The following MSN variants were observed in gnomAD, a reference collection of about 807,000 sequenced individuals.
MSN encodes the protein epididymis luminal protein 70.
A neutral mutation model predicts 48.0 loss-of-function variants in MSN; 2 were observed. The ratio of observed to expected loss-of-function variants is 0.04; its 90% CI spans 0.02 to 0.13. The LOEUF is 0.13. MSN is among the 10% of genes least tolerant of loss of function. MSN has a pLI of 1.00. For missense variants in MSN, 267 were observed against 470.1 expected (o/e 0.57, Z 3.99); for synonymous variants, 146 against 166.9 (o/e 0.87, Z 0.97).
chrX:65,706,327 A>C (rs1414936588), intron 1 of MSN, among the ~76,000 whole-genome samples: 2 of 111,431 alleles, frequency 1.8e-5, no homozygotes, highest in African/African-American at 3.3e-5. Context: ...TGTGATGACT[A>C]TTCTCTGGCC....
chrX:65,607,248 C>T (rs1188239374), intron 1 of MSN, among the ~76,000 whole-genome samples: 1 of 111,861 alleles, frequency 8.9e-6, no homozygotes, highest in African/African-American at 3.3e-5. Flanking sequence ...CAAAGCTTGC[C>T]AGCTTACTCA....
intron 1 of MSN, among the ~76,000 whole-genome samples, chrX:65,630,326 C>G (rs1429757051): frequency 8.9e-6 from 1 of 111,792 alleles, no homozygotes; most frequent in Non-Finnish European, 1.9e-5. Context: ...ATAATCCCAG[C>G]ATTTTGGGAG....
intron 1 of MSN, among the ~76,000 whole-genome samples, chrX:65,715,886 G>A (rs1450455555): frequency 8.9e-6 from 1 of 111,751 alleles, no homozygotes; most frequent in Non-Finnish European, 1.9e-5. Context: ...GTGAGAGAGG[G>A]CATTCTTGTC....
intron 1 of MSN, among the ~76,000 whole-genome samples, chrX:65,592,257 G>A (rs917717042): frequency 3.6e-4 from 35 of 96,634 alleles, no homozygotes; most frequent in African/African-American, 1.3e-3. Flanking sequence ...GTTCAGTGGC[G>A]CCATCTTGGC....
intron 1 of MSN, among the ~76,000 whole-genome samples, chrX:65,598,166 C>G (rs751261094): frequency 1.8e-5 from 2 of 109,222 alleles, no homozygotes; most frequent in Non-Finnish European, 3.8e-5. Context: ...GAAACAGAGA[C>G]AGAATCAGAG....
rs768416864 is a variant in MSN at position 65,681,547 on chromosome X, G to A, written c.12+13694G>A. ...AATACACCTTGGAGAAGGGACAGGTGTATTAGCACCTATGGGGAAGAGAGG... is the reference window on the plus strand; with the variant it reads ...AATACACCTTGGAGAAGGGACAGGTATATTAGCACCTATGGGGAAGAGAGG... On this transcript the variant is annotated intron_variant, in intron 1 of 12. Transcript: ENST00000360270. Among the ~76,000 whole-genome samples the A allele has an allele frequency of 2.7e-5, 3 of 112,421 alleles. No individual in the cohort carries two copies. In the Admixed American group the frequency reaches 2.8e-4, roughly 11 times the overall value.
chrX:65,714,339 G>A (rs965927746), intron 1 of MSN, among the ~76,000 whole-genome samples: 2 of 111,750 alleles, frequency 1.8e-5, no homozygotes, highest in Non-Finnish European at 3.8e-5. Flanking sequence ...ACCCCATAAT[G>A]ATATTGCTGG....
chrX:65,629,912 C>T (rs1164740570), intron 1 of MSN, among the ~76,000 whole-genome samples: 1 of 111,945 alleles, frequency 8.9e-6, no homozygotes, highest in East Asian at 2.8e-4. Context: ...GGCGAGGTGG[C>T]TCACACCTGT....
chrX:65,651,561 T>TTTA (rs35256397), intron 1 of MSN, among the ~76,000 whole-genome samples: 6,886 of 94,449 alleles, frequency 0.073, 286 homozygotes, highest in Admixed American at 0.15. Flanking sequence ...AGAAGTAATA[T>TTTA]TTATTATTAT....
chrX:65,727,758 C>A, intron 2 of MSN, 56 bp from the exon 3 acceptor site: 6 of 990,738 alleles, frequency 6.1e-6, no homozygotes, highest in Non-Finnish European at 8.6e-6. Context: ...GTCCTCTGTG[C>A]CTCACACAGA....
rs775021528 is a variant in MSN, at chrX:65,731,093, C to T, written c.468-14C>T. 4.2e-6 allele frequency: 5 copies of T among 1,186,680 alleles called. No homozygotes were observed. Among genetic ancestry groups the T allele is most frequent in the East Asian group, 6.0e-5 (2 of 33,280 alleles). ...TTTGTGCTTTAAACTACTCATCACC[C>T]ATTGTCTTTCCAGAGTCCTGGAACA... On this transcript the variant is annotated splice_polypyrimidine_tract_variant and intron_variant, in intron 4 of 12. Coordinates refer to ENST00000360270, the MANE Select transcript of MSN (RefSeq NM_002444.3).
At chrX:65,650,848 C>T (rs1156606310) in intron 1 of MSN, among the ~76,000 whole-genome samples, 2 of 111,747 alleles carry the variant, frequency 1.8e-5, no homozygotes, top group Non-Finnish European at 3.8e-5. Flanking sequence ...ATTTCCTTGT[C>T]TTTTCCAGCT....
rs1029082342 is a variant in MSN at position 65,623,199 on chromosome X, T to C, written c.-22+34587T>C. ...CTTTGCCTCTAAATTCATAAGGGAGTTTAGTCTGTATTTTTTTTTTAACAT... is the reference window on the plus strand; with the variant it reads ...CTTTGCCTCTAAATTCATAAGGGAGCTTAGTCTGTATTTTTTTTTTAACAT... On this transcript the variant is annotated intron_variant, in intron 1 of 3. Transcript: ENST00000609672. Among the ~76,000 whole-genome samples the C allele has an allele frequency of 9.1e-4, 99 of 109,149 alleles. 2 individuals carry two copies. The highest frequency in any genetic ancestry group is 3.3e-3 in the African/African-American group (97 of 29,121). 94.8% of individuals were successfully genotyped at this position (109,149 alleles called of 115,157 possible).
At chrX:65,703,712 C>T (rs969651823) in intron 1 of MSN, among the ~76,000 whole-genome samples, 7 of 111,655 alleles carry the variant, frequency 6.3e-5, no homozygotes, top group Non-Finnish European at 9.4e-5. Context: ...GTAGCTGGGA[C>T]TACAGGCGTG....
intron 1 of MSN, among the ~76,000 whole-genome samples, chrX:65,670,899 TATATATATA>T (rs2070928719): frequency 0.051 from 30 of 585 alleles, 1 homozygote; most frequent in African/African-American, 0.14. Flanking sequence ...ATGACAGTTA[TATATATATA>T]TATATATATA....
At chrX:65,606,650 A>G (rs1351174210) in intron 1 of MSN, among the ~76,000 whole-genome samples, 1 of 112,021 alleles carries the variant, frequency 8.9e-6, no homozygotes, top group Non-Finnish European at 1.9e-5. Flanking sequence ...CAAACTCCTG[A>G]ACTCAAGCAG....
chrX:65,654,169 G>C (rs1250267940), intron 1 of MSN, among the ~76,000 whole-genome samples: 1 of 99,350 alleles, frequency 1.0e-5, no homozygotes, highest in Non-Finnish European at 2.0e-5. Flanking sequence ...GCAGTGGCGC[G>C]ATCTCCACTC....
intron 1 of MSN, among the ~76,000 whole-genome samples, chrX:65,702,051 C>T (rs1428855720): frequency 2.2e-4 from 22 of 101,294 alleles, no homozygotes; most frequent in African/African-American, 3.0e-4. Flanking sequence ...TGTCGCCTGT[C>T]GCCCATGCTG....
upstream of MSN, chrX:65,667,628 A>G: frequency 1.0e-6 from 1 of 1,001,318 alleles, no homozygotes; most frequent in Non-Finnish European, 1.3e-6. Context: ...CGGGCCACAT[A>G]AAGGAGCGGG....
Sources: gnomAD v4.1 joint callset for allele counts (sites outside exome capture counted in the v4.1 genomes callset) on GRCh38, gnomAD v4.1.1 for gene constraint, MANE v1.5 for transcripts, NCBI Gene and HGNC (gene_info 2026-07-23, HGNC 2026-07-21) for gene names.